The following CTNNA3 variants were observed in gnomAD, a reference collection of about 807,000 sequenced individuals.
The protein encoded by CTNNA3 is catenin alpha 3.
A neutral mutation model predicts 95.7 loss-of-function variants in CTNNA3; 76 were observed. The observed-to-expected ratio is 0.79, with a 90% confidence interval of 0.66 to 0.96. The LOEUF (loss-of-function observed/expected upper bound fraction) is 0.96. Among genes scored for constraint, CTNNA3 ranks in the 40% least tolerant of loss-of-function variants. The pLI, the probability that CTNNA3 is intolerant of heterozygous loss-of-function variation, is 0.00. For missense variants in CTNNA3, 1,191 were observed against 1,089.8 expected (o/e 1.09, Z -1.31); for synonymous variants, 431 against 374.4 (o/e 1.15, Z -1.74).
At chr10:66,095,436 T>C (rs1354130765) in intron 14 of CTNNA3, among the ~76,000 whole-genome samples, 2 of 152,104 alleles carry the variant, frequency 1.3e-5, no homozygotes, top group Non-Finnish European at 2.9e-5. Flanking sequence ...AAAACTGTTT[T>C]TTATAATAAG....
At chr10:67,175,151 G>A (rs1400895410) in intron 7 of CTNNA3, among the ~76,000 whole-genome samples, 1 of 147,890 alleles carries the variant, frequency 6.8e-6, no homozygotes, top group African/African-American at 2.5e-5. Flanking sequence ...AGGGAGGGAG[G>A]GAGGGAGGGA....
At chr10:67,111,821 C>T (rs2131971417) in intron 7 of CTNNA3, among the ~76,000 whole-genome samples, 1 of 152,102 alleles carries the variant, frequency 6.6e-6, no homozygotes, top group South Asian at 2.1e-4. Context: ...TCTAATTTAC[C>T]TGTTACTGAT....
intron 7 of CTNNA3, among the ~76,000 whole-genome samples, chr10:66,824,000 T>C (rs1398451358): frequency 6.6e-6 from 1 of 152,032 alleles, no homozygotes; most frequent in Non-Finnish European, 1.5e-5. Context: ...GTGAATGTTC[T>C]TTCATTTGTC....
At chr10:66,003,956 T>G (rs778036396) in intron 15 of CTNNA3, among the ~76,000 whole-genome samples, 1 of 152,222 alleles carries the variant, frequency 6.6e-6, no homozygotes, top group Non-Finnish European at 1.5e-5. Flanking sequence ...CTGCTTCGCA[T>G]GCCCACTCTG....
intron 7 of CTNNA3, among the ~76,000 whole-genome samples, chr10:66,905,426 G>C (rs1336994721): frequency 1.3e-5 from 2 of 152,092 alleles, no homozygotes. Flanking sequence ...TGTAAATGAC[G>C]AGTTGATGGG....
chr10:67,280,142 G>C (rs1219852384), intron 5 of CTNNA3, among the ~76,000 whole-genome samples: 1 of 150,168 alleles, frequency 6.7e-6, no homozygotes, highest in Admixed American at 6.6e-5. Context: ...AGGACTTTTT[G>C]ATCTCCTGTT....
At chr10:66,138,890 G>C (rs1038093260) in intron 13 of CTNNA3, among the ~76,000 whole-genome samples, 3 of 152,096 alleles carry the variant, frequency 2.0e-5, no homozygotes, top group African/African-American at 7.2e-5. Context: ...ATAAAAGATG[G>C]ATTGACAATG....
At chr10:67,599,643 A>G (rs1025611430) in intron 3 of CTNNA3, among the ~76,000 whole-genome samples, 4 of 152,204 alleles carry the variant, frequency 2.6e-5, no homozygotes, top group African/African-American at 9.6e-5. Context: ...TGATATATTT[A>G]AATTAAATGT....
At chr10:67,275,489 T>TA (rs955470550) in intron 5 of CTNNA3, among the ~76,000 whole-genome samples, 1 of 152,116 alleles carries the variant, frequency 6.6e-6, no homozygotes, top group African/African-American at 2.4e-5. Flanking sequence ...AAATTATTTT[T>TA]AAAAAATGAC....
chr10:67,137,028 G>A (rs1860336419), intron 7 of CTNNA3, among the ~76,000 whole-genome samples: 2 of 152,058 alleles, frequency 1.3e-5, no homozygotes, highest in South Asian at 2.1e-4. Flanking sequence ...CCACCATTTC[G>A]TACTTGCTCC....
chr10:66,372,266 A>G (rs12266156), intron 12 of CTNNA3, among the ~76,000 whole-genome samples: 2,558 of 152,306 alleles, frequency 0.017, 67 homozygotes, highest in African/African-American at 0.059. Context: ...CCTTCAGCAC[A>G]TAAAGATCCA....
At chr10:66,191,599 T>C (rs1295584995) in intron 13 of CTNNA3, among the ~76,000 whole-genome samples, 1 of 142,578 alleles carries the variant, frequency 7.0e-6, no homozygotes, top group African/African-American at 2.6e-5. Flanking sequence ...TGTATTTCAA[T>C]GTGAACTGTA....
intron 6 of CTNNA3, among the ~76,000 whole-genome samples, chr10:67,208,496 T>G (rs1252905875): frequency 6.6e-6 from 1 of 151,396 alleles, no homozygotes; most frequent in African/African-American, 2.4e-5. Flanking sequence ...TGAAAATAGC[T>G]AACATCAAAA....
chr10:66,775,535 G>A lies in CTNNA3; in HGVS notation c.1048-11C>T. 1.3e-6 allele frequency: 2 copies of A among 1,557,614 alleles called. No homozygotes were observed. Among genetic ancestry groups the A allele is most frequent in the Admixed American group, 1.8e-5 (1 of 56,040 alleles). The stretch of plus-strand genomic sequence containing the variant: ...TTCTTTTTTTCCAGCCTGCAAAGAA[G>A]AAAAAACGACATAAGCAATGGTATC... On this transcript the variant is annotated splice_polypyrimidine_tract_variant and intron_variant, in intron 7 of 17. Transcript: ENST00000433211.
chr10:67,696,713 CAA>C (rs80303065), upstream of CTNNA3, among the ~76,000 whole-genome samples: 1,918 of 148,268 alleles, frequency 0.013, 42 homozygotes, highest in African/African-American at 0.045. Context: ...TTTAAGCCAC[CAA>C]AAAAAAAAGT....
intron 5 of CTNNA3, among the ~76,000 whole-genome samples, chr10:67,411,808 C>A (rs568222153): frequency 6.6e-6 from 1 of 152,040 alleles, no homozygotes; most frequent in African/African-American, 2.4e-5. Flanking sequence ...AAACTTAGAG[C>A]TCCATATCTG....
At chr10:66,249,539 C>T (rs1002751729) in intron 13 of CTNNA3, among the ~76,000 whole-genome samples, 13 of 152,130 alleles carry the variant, frequency 8.5e-5, no homozygotes, top group Non-Finnish European at 1.5e-5. Flanking sequence ...TGCTGAACAT[C>T]ATCAATCATC....
Position 66,499,325 on chromosome 10 carries a change from A to C in CTNNA3, c.1531+21292T>G, listed in dbSNP as rs78583757. On this transcript the variant is annotated intron_variant, in intron 11 of 17. Coordinates refer to ENST00000433211, the MANE Select transcript of CTNNA3 (RefSeq NM_013266.4). ...GAGGAAGGGACTTCAGCTTTTGTTC[A>C]TTATTTGATTTAACAGCTGAATAAG... 1.4e-3 allele frequency among the ~76,000 whole-genome samples: 210 copies of C among 152,308 alleles called. 1 individual carries two copies. The highest frequency in any genetic ancestry group is 3.5e-3 in the Admixed American group (53 of 15,296).
intron 9 of CTNNA3, among the ~76,000 whole-genome samples, chr10:66,750,036 C>T (rs1190478041): frequency 6.6e-6 from 1 of 151,982 alleles, no homozygotes; most frequent in Non-Finnish European, 1.5e-5. Flanking sequence ...TTTGTTTAGG[C>T]CTTCAGTTCA....
Sources: allele counts gnomAD v4.1 joint callset (sites outside exome capture counted in the v4.1 genomes callset), GRCh38; gene constraint gnomAD v4.1.1; transcripts MANE v1.5; gene names NCBI Gene and HGNC (gene_info 2026-07-23, HGNC 2026-07-21).